The following NRCAM variants were observed in gnomAD, a reference collection of about 807,000 sequenced individuals.
NRCAM encodes the protein NgCAM-related cell adhesion molecule.
Under a neutral mutation model 156.5 loss-of-function variants are expected in NRCAM, and 83 were observed. That is an observed-to-expected ratio of 0.53 (90% CI 0.44 to 0.64). NRCAM has a LOEUF of 0.64. Ranked by LOEUF, NRCAM falls within the 30% of genes least tolerant of loss-of-function variation. The probability of loss-of-function intolerance (pLI) is 0.00; values close to 1 mark genes in which losing one functional copy is unlikely to be tolerated. For synonymous variants in NRCAM, 538 were observed against 563.9 expected (o/e 0.95, Z 0.65); for missense variants, 1,417 against 1,597.3 (o/e 0.89, Z 1.92).
rs1562964558 is a variant in NRCAM at position 108,254,555 on chromosome 7, T to TTTATTTA, written c.-106-14386_-106-14385insTAAATAA. Among the ~76,000 whole-genome samples the TTTATTTA allele has an allele frequency of 4.3e-4, 59 of 137,250 alleles. 1 individual carries two copies. The South Asian group carries it at 9.1e-3, about 21-fold the overall frequency. The allele number at this position is 137,250 out of a possible 152,430, so 90.0% of individuals were successfully genotyped here. On this transcript the variant is annotated intron_variant, in intron 3 of 32. Transcript: ENST00000379028. ...CATTCTGAAAAAACAATTTTGCTTT[T>TTTATTTA]TTTTTTTTTTTGAGATGGAACTAGC...
chr7:108,395,617 G>A (rs913482452), intron 2 of NRCAM, among the ~76,000 whole-genome samples: 2 of 152,196 alleles, frequency 1.3e-5, no homozygotes, highest in Non-Finnish European at 2.9e-5. Flanking sequence ...CCCAATAGGA[G>A]TTTTCCCATA....
rs532978802 is a variant in NRCAM at position 108,253,424 on chromosome 7, T to C, written c.-106-13254A>G. 6.6e-5 allele frequency among the ~76,000 whole-genome samples: 10 copies of C among 152,248 alleles called. No individual in the cohort carries two copies. In the East Asian group the frequency reaches 1.3e-3, roughly 21 times the overall value. ...TGCCCTGGAAGAGTAACAGTAATAC[T>C]CCAGGGAGAGAAGAGGGAAGCCATG... On this transcript the variant is annotated intron_variant, in intron 3 of 32. Coordinates refer to ENST00000379028, the MANE Select transcript of NRCAM (RefSeq NM_001037132.4).
At chr7:108,364,204 C>T (rs2099577781) in intron 2 of NRCAM, among the ~76,000 whole-genome samples, 1 of 152,118 alleles carries the variant, frequency 6.6e-6, no homozygotes, top group African/African-American at 2.4e-5. Context: ...AGGATTTGAA[C>T]AGACGTTTCT....
At chr7:108,368,763 G>T (rs915326580) in intron 2 of NRCAM, among the ~76,000 whole-genome samples, 1 of 152,150 alleles carries the variant, frequency 6.6e-6, no homozygotes, top group African/African-American at 2.4e-5. Flanking sequence ...AATAGCATGA[G>T]AAACCGTATA....
chr7:108,394,497 T>G (rs1393390524), intron 2 of NRCAM, among the ~76,000 whole-genome samples: 1 of 152,214 alleles, frequency 6.6e-6, no homozygotes, highest in Admixed American at 6.5e-5. Context: ...CTCCTCTTAG[T>G]CTCTCTCTTT....
chr7:108,164,510 T>C lies in NRCAM; in HGVS notation c.3466+2411A>G, dbSNP rs113039335. 1.4e-3 allele frequency among the ~76,000 whole-genome samples: 201 copies of C among 141,092 alleles called. 2 individuals are homozygous for C. The highest frequency in any genetic ancestry group is 4.9e-3 in the African/African-American group (191 of 38,684). 92.6% of individuals were successfully genotyped at this position (141,092 alleles called of 152,430 possible). A position where few individuals can be genotyped will look rare whatever the true frequency, so the allele number is the denominator to read the frequency against. ...GTTTAAAAATTAGCCAATGATAGGCTTTCATGCCAAATATTGACATCCTTA... is the reference window on the plus strand; with the variant it reads ...GTTTAAAAATTAGCCAATGATAGGCCTTCATGCCAAATATTGACATCCTTA... On this transcript the variant is annotated intron_variant, in intron 30 of 32. Coordinates refer to ENST00000379028, the MANE Select transcript of NRCAM (RefSeq NM_001037132.4).
At chr7:108,414,869 G>A (rs1014629217) in intron 1 of NRCAM, among the ~76,000 whole-genome samples, 5 of 152,110 alleles carry the variant, frequency 3.3e-5, no homozygotes, top group African/African-American at 1.2e-4. Flanking sequence ...AACAGTGGGC[G>A]TGGTAAGGAG....
intron 28 of NRCAM, among the ~76,000 whole-genome samples, chr7:108,173,299 T>G (rs1478449601): frequency 6.6e-6 from 1 of 152,178 alleles, no homozygotes; most frequent in African/African-American, 2.4e-5. Context: ...TTGATGCTTC[T>G]ATAGCTAAGG....
chr7:108,280,996 G>T (rs7786371), intron 3 of NRCAM, among the ~76,000 whole-genome samples: 42,084 of 152,028 alleles, frequency 0.28, 6,264 homozygotes, highest in African/African-American at 0.39. Flanking sequence ...TTTAGATATG[G>T]GTTCCTTTTG....
chr7:108,247,765 A>G (rs927485695), intron 3 of NRCAM, among the ~76,000 whole-genome samples: 1 of 152,194 alleles, frequency 6.6e-6, no homozygotes, highest in African/African-American at 2.4e-5. Flanking sequence ...ATCTCCGTGA[A>G]TCATACTAGA....
intron 1 of NRCAM, among the ~76,000 whole-genome samples, chr7:108,430,123 C>T (rs1823040670): frequency 6.6e-6 from 1 of 152,122 alleles, no homozygotes; most frequent in Non-Finnish European, 1.5e-5. Flanking sequence ...AGAGAGGCAG[C>T]AGGGGTCATG....
At chr7:108,218,226 C>T (rs1369833062) in intron 11 of NRCAM, among the ~76,000 whole-genome samples, 2 of 151,546 alleles carry the variant, frequency 1.3e-5, no homozygotes, top group Non-Finnish European at 2.9e-5. Context: ...GAGGTGACAC[C>T]CCCACCCTGC....
At chr7:108,425,581 C>A (rs1395378783) in intron 1 of NRCAM, among the ~76,000 whole-genome samples, 1 of 152,140 alleles carries the variant, frequency 6.6e-6, no homozygotes, top group Non-Finnish European at 1.5e-5. Context: ...TTTGCTGCCT[C>A]AAATAATTAT....
intron 3 of NRCAM, among the ~76,000 whole-genome samples, chr7:108,290,593 AT>A (rs1273271751): frequency 6.6e-6 from 1 of 152,216 alleles, no homozygotes; most frequent in Non-Finnish European, 1.5e-5. Context: ...GATTACAACT[AT>A]CTAAACATTT....
chr7:108,171,363 C>A (rs2152041074), intron 28 of NRCAM, among the ~76,000 whole-genome samples: 1 of 152,344 alleles, frequency 6.6e-6, no homozygotes, highest in Non-Finnish European at 1.5e-5. Context: ...CCCTTCAGAG[C>A]TGTTACCATC....
chr7:108,387,720 C>T (rs1297048913), intron 2 of NRCAM, among the ~76,000 whole-genome samples: 1 of 141,902 alleles, frequency 7.0e-6, no homozygotes, highest in South Asian at 2.6e-4. Flanking sequence ...CCCCTCCCCC[C>T]ACCCCACAAC....
chr7:108,359,891 C>T (rs2099537015), intron 2 of NRCAM, among the ~76,000 whole-genome samples: 1 of 152,156 alleles, frequency 6.6e-6, no homozygotes, highest in Non-Finnish European at 1.5e-5. Context: ...CCAGTGGCAA[C>T]CGAGGTTCTG....
chr7:108,148,397 A>T lies in NRCAM; in HGVS notation c.*1513T>A, dbSNP rs1398107502. ...AATTCAACAAAATATCTACATATAAAAAGCTTTACTTAAAATTAAACTTGA... is the reference window on the plus strand; with the variant it reads ...AATTCAACAAAATATCTACATATAATAAGCTTTACTTAAAATTAAACTTGA... On this transcript the variant is annotated 3_prime_UTR_variant, in exon 33 of 33. Coordinates refer to ENST00000379028, the MANE Select transcript of NRCAM (RefSeq NM_001037132.4). 6.6e-6 allele frequency: 1 copy of T among 152,648 alleles called. No homozygotes were observed. The highest frequency in any genetic ancestry group is 1.5e-5 in the Non-Finnish European group (1 of 68,034). The allele number at this position is 152,648 out of a possible 1,614,324, so 9.5% of individuals were successfully genotyped here.
chr7:108,344,126 C>A (rs373779688), intron 2 of NRCAM, among the ~76,000 whole-genome samples: 3 of 152,156 alleles, frequency 2.0e-5, no homozygotes, highest in Admixed American at 2.0e-4. Flanking sequence ...ATCGGCCAAC[C>A]TCCCCAACAG....
Sources: allele counts gnomAD v4.1 joint callset (sites outside exome capture counted in the v4.1 genomes callset), GRCh38; gene constraint gnomAD v4.1.1; transcripts MANE v1.5; gene names NCBI Gene and HGNC (gene_info 2026-07-23, HGNC 2026-07-21).